The following ALG9 variants were observed in gnomAD, a reference collection of about 807,000 sequenced individuals.
The protein encoded by ALG9 is ALG9 alpha-1,2-mannosyltransferase, also known as alpha-1,2-mannosyltransferase ALG9.
ALG9 carries 55 observed loss-of-function variants against 81.8 expected under a neutral mutation model. That is an observed-to-expected ratio of 0.67 (90% CI 0.54 to 0.84). ALG9 has a LOEUF of 0.84. Ranked by LOEUF, ALG9 falls within the 40% of genes least tolerant of loss-of-function variation. The pLI, the probability that ALG9 is intolerant of heterozygous loss-of-function variation, is 0.00. For missense variants in ALG9, 629 were observed against 745.0 expected, an observed-to-expected ratio of 0.84 and a Z score of 1.81; for synonymous variants, 278 against 274.3, an observed-to-expected ratio of 1.01 and a Z score of -0.13.
chr11:111,821,085 G>A (rs1004088876), intron 13 of ALG9, among the ~76,000 whole-genome samples: 17 of 152,104 alleles, frequency 1.1e-4, no homozygotes, highest in Non-Finnish European at 5.9e-5. Flanking sequence ...AAGAGTGCGA[G>A]ACCTTGTCTC....
chr11:111,858,832 C>A lies in ALG9; in HGVS notation c.566-1095G>T, dbSNP rs373297722. 1.6e-4 allele frequency among the ~76,000 whole-genome samples: 24 copies of A among 152,192 alleles called. No homozygotes were observed. The South Asian group carries it at 4.8e-3, about 30-fold the overall frequency. The stretch of plus-strand genomic sequence containing the variant: ...TTCAGAGGCTCTGTATGAAAAGATG[C>A]CTTCAACTTATCTGTGTCTCAAATG... On this transcript the variant is annotated intron_variant, in intron 5 of 14. Coordinates refer to ENST00000616540, the MANE Select transcript of ALG9 (RefSeq NM_024740.2).
At chr11:111,790,283 C>T (rs763575114) in intron 14 of ALG9, among the ~76,000 whole-genome samples, 6 of 151,010 alleles carry the variant, frequency 4.0e-5, no homozygotes, top group Admixed American at 2.6e-4. Flanking sequence ...ACCAAGATTG[C>T]GCCACTGCAC....
chr11:111,821,781 G>GC (rs1354708705), intron 13 of ALG9, among the ~76,000 whole-genome samples: 2 of 152,086 alleles, frequency 1.3e-5, no homozygotes, highest in South Asian at 2.1e-4. Flanking sequence ...GACTACAGGC[G>GC]CCTGTCACCA....
At chr11:111,787,294 A>G (rs1209262889) in intron 14 of ALG9, among the ~76,000 whole-genome samples, 4 of 151,754 alleles carry the variant, frequency 2.6e-5, no homozygotes, top group Admixed American at 1.3e-4. Context: ...TTAGCCAGGC[A>G]TGGTGGTGCA....
In ALG9 at chr11:111,844,517, A is replaced by C. The variant is rs971056083; in HGVS notation, c.1018+84T>G. 3.8e-6 allele frequency: 6 copies of C among 1,574,714 alleles called. No homozygotes were observed. In the African/African-American group the frequency reaches 5.4e-5, roughly 14 times the overall value. On this transcript the variant is annotated intron_variant, in intron 9 of 14. Transcript: ENST00000616540. ...ATAGGAAGAATGTGGAAAATAAAGT[A>C]AGTAGGATTTTCCTTCAGTTCTTGG...
At chr11:111,826,958 C>G (rs1224900755) in intron 13 of ALG9, among the ~76,000 whole-genome samples, 1 of 152,178 alleles carries the variant, frequency 6.6e-6, no homozygotes, top group Admixed American at 6.5e-5. Flanking sequence ...AATCATTCTA[C>G]TGACTTTAAA....
chr11:111,825,825 A>G (rs782335198), intron 13 of ALG9, among the ~76,000 whole-genome samples: 20 of 152,014 alleles, frequency 1.3e-4, no homozygotes, highest in Non-Finnish European at 2.4e-4. Flanking sequence ...AGGTGGGCGG[A>G]TCACCAGGAA....
intron 14 of ALG9, among the ~76,000 whole-genome samples, chr11:111,802,505 G>A (rs1366348675): frequency 2.0e-5 from 3 of 152,290 alleles, no homozygotes; most frequent in Admixed American, 6.5e-5. Flanking sequence ...ATAGATTAGC[G>A]GGATGCCCGG....
rs781884640 is a variant in ALG9 at position 111,837,499 on chromosome 11, G to T, written c.1441C>A (p.Arg481=). ...GGAAGAAGGAAGCTGCTGGGAAATC[G>T]ATACCACTCTTTTCCCACACAGACA... ...VNVCVGKEWY[R]FPSSFLLPDN... is the part of the protein sequence containing the mutation. The change falls in exon 12 of 15, where the codon CGA becomes AGA. Residue 481 remains arginine (R), a synonymous_variant. Transcript: ENST00000616540. 10 of 1,614,034 alleles carry T rather than the reference G, an allele frequency of 6.2e-6. No individual in the cohort carries two copies. The South Asian group carries it at 8.8e-5, about 14-fold the overall frequency.
chr11:111,869,101 G>A (rs575477686), intron 2 of ALG9, among the ~76,000 whole-genome samples: 3 of 152,256 alleles, frequency 2.0e-5, no homozygotes, highest in South Asian at 2.1e-4. Context: ...CAGCCTGGGC[G>A]ATCTGCAATT....
the ALG9 span, among the ~76,000 whole-genome samples, chr11:111,772,850 G>A: frequency 1.7e-4 from 26 of 151,996 alleles, 1 homozygote; most frequent in African/African-American, 6.0e-4. Flanking sequence ...TTTTTTCATC[G>A]GTAAAATAGA....
chr11:111,803,518 A>C (rs1384668485), intron 14 of ALG9, among the ~76,000 whole-genome samples: 1 of 151,536 alleles, frequency 6.6e-6, no homozygotes, highest in Non-Finnish European at 1.5e-5. Context: ...AAAAAAAAAA[A>C]AGAACAAAGT....
intron 4 of ALG9, chr11:111,864,330 T>C: frequency 7.4e-6 from 6 of 810,340 alleles, no homozygotes; most frequent in Non-Finnish European, 1.1e-5. Flanking sequence ...CTCAACTGCA[T>C]AAAAGTTTCC....
At chr11:111,802,321 T>C (rs1161684662) in intron 14 of ALG9, among the ~76,000 whole-genome samples, 6 of 152,310 alleles carry the variant, frequency 3.9e-5, no homozygotes, top group Non-Finnish European at 5.9e-5. Flanking sequence ...CATCAGTTAG[T>C]GAAGGATTAA....
At chr11:111,868,185 G>A (rs929163408) in intron 3 of ALG9, among the ~76,000 whole-genome samples, 4 of 152,064 alleles carry the variant, frequency 2.6e-5, no homozygotes, top group Non-Finnish European at 5.9e-5. Context: ...ACACCAAGAC[G>A]CATCATAGTC....
chr11:111,788,294 T>C (rs1469787631), intron 14 of ALG9: 7 of 398,544 alleles, frequency 1.8e-5, no homozygotes, highest in African/African-American at 1.1e-4. Context: ...ACTAGGACGC[T>C]GGCAGTGCCC....
At chr11:111,811,913 G>A (rs1950777406) in intron 13 of ALG9, among the ~76,000 whole-genome samples, 1 of 152,066 alleles carries the variant, frequency 6.6e-6, no homozygotes, top group Admixed American at 6.6e-5. Context: ...TCTAAACTTG[G>A]ATACTGGTGA....
intron 10 of ALG9, among the ~76,000 whole-genome samples, chr11:111,839,477 C>CG (rs1456490273): frequency 1.3e-5 from 2 of 149,570 alleles, no homozygotes; most frequent in Admixed American, 1.3e-4. Flanking sequence ...CCCAGCTACC[C>CG]GGGGGACTGA....
chr11:111,851,255 G>C (rs1293809425), intron 8 of ALG9, among the ~76,000 whole-genome samples: 2 of 152,128 alleles, frequency 1.3e-5, no homozygotes, highest in East Asian at 3.9e-4. Context: ...AAGACTGGTG[G>C]ATTACCTGAG....
Sources: allele counts gnomAD v4.1 joint callset (sites outside exome capture counted in the v4.1 genomes callset), GRCh38; gene constraint gnomAD v4.1.1; transcripts MANE v1.5; gene names NCBI Gene and HGNC (gene_info 2026-07-23, HGNC 2026-07-21).